The following KCNN4 variants were observed in gnomAD, a reference collection of about 807,000 sequenced individuals.
KCNN4 encodes intermediate conductance calcium-activated potassium channel protein 4.
In KCNN4, 31 loss-of-function variants were observed where a neutral mutation model predicts 45.2. The observed-to-expected ratio is 0.69, with a 90% CI of 0.52 to 0.92. The LOEUF is 0.92. KCNN4 is among the 40% of genes least tolerant of loss of function. KCNN4 has a pLI of 0.00. For missense variants in KCNN4, 463 were observed against 574.0 expected (o/e 0.81, Z 1.98); for synonymous variants, 231 against 254.6 (o/e 0.91, Z 0.88).
rs1969526607 is a variant in KCNN4 at position 43,767,832 on chromosome 19, TA to T, written c.1120-126del. On this transcript the variant is annotated intron_variant, in intron 7 of 8. Coordinates refer to ENST00000648319, the MANE Select transcript of KCNN4 (RefSeq NM_002250.3). ...GTCCTCTGAGGATTACCCTCGACAA[TA>T]ACTGTTACCATGTATTGACCACCTA... 3 of 1,211,452 alleles carry T rather than the reference TA, an allele frequency of 2.5e-6. 1 individual carries two copies. The South Asian group carries it at 4.1e-5, about 17-fold the overall frequency. The allele number at this position is 1,211,452 out of a possible 1,614,324, so 75.0% of individuals were successfully genotyped here.
Position 43,772,201 on chromosome 19 carries a change from T to C in KCNN4, c.684-66A>G. On this transcript the variant is annotated intron_variant, in intron 3 of 8. Coordinates refer to ENST00000648319, the MANE Select transcript of KCNN4 (RefSeq NM_002250.3). This position sits in a 1 kb window ranked among gnomAD's most constrained non-coding sequence, Gnocchi z 4.4. Reference sequence around the variant, plus strand: ...AGGTTTCCATGATATTCACTCCCCTTCCCTCTATACCCTCCCATCCCCTTC... The same window carrying C: ...AGGTTTCCATGATATTCACTCCCCTCCCCTCTATACCCTCCCATCCCCTTC... 3 of 1,576,052 alleles carry C rather than the reference T, an allele frequency of 1.9e-6. No individual in the cohort carries two copies. The highest frequency in any genetic ancestry group is 2.6e-6 in the Non-Finnish European group (3 of 1,155,984).
intron 1 of KCNN4, among the ~76,000 whole-genome samples, chr19:43,780,349 C>T (rs1219286307): frequency 8.6e-5 from 13 of 151,036 alleles, no homozygotes; most frequent in African/African-American, 2.7e-4. Flanking sequence ...GTCTAGGCCC[C>T]CAACCTCTCC....
chr19:43,776,874 G>A, intron 1 of KCNN4: 3 of 454,134 alleles, frequency 6.6e-6, no homozygotes, highest in Non-Finnish European at 1.2e-5. Flanking sequence ...GAGGCAGGTG[G>A]ATCACCGAAG....
Position 43,774,316 on chromosome 19 carries a change from G to C in KCNN4, c.559C>G (p.Gln187Glu), listed in dbSNP as rs763819161. ...ACGAACCAGTGGCGGAAGCGGACTTGATTGAGAGCGCCGATGCTGCGGTAG... is the reference window on the plus strand; with the variant it reads ...ACGAACCAGTGGCGGAAGCGGACTTCATTGAGAGCGCCGATGCTGCGGTAG... Reference protein sequence around the residue: ...ASYRSIGALNQVRFRHWFVAK... With the variant: ...ASYRSIGALNEVRFRHWFVAK... Residue 187 changes from glutamine (Q) to glutamate (E), a missense_variant, in exon 3 of 9, where the codon CAA becomes GAA. Physicochemically the swap from Gln to Glu is conservative, Grantham distance 29. Transcript: ENST00000648319. The surrounding 1 kb of genome is among the most constrained non-coding windows in gnomAD (Gnocchi z 5.6). 2.5e-6 allele frequency: 4 copies of C among 1,611,796 alleles called. No homozygotes were observed. Among genetic ancestry groups the C allele is most frequent in the African/African-American group, 2.7e-5 (2 of 74,898 alleles).
At chr19:43,776,325 G>A (rs992008912) in intron 2 of KCNN4, among the ~76,000 whole-genome samples, 2 of 151,730 alleles carry the variant, frequency 1.3e-5, no homozygotes, top group Admixed American at 1.3e-4. Flanking sequence ...TGCAAGGGGG[G>A]GCTGGGGACT....
chr19:43,770,274 C>T (rs903968712), intron 4 of KCNN4, among the ~76,000 whole-genome samples: 13 of 152,126 alleles, frequency 8.5e-5, no homozygotes, highest in Admixed American at 7.9e-4. Context: ...CCCTTGGTCC[C>T]CTCTAATCTC....
At position 43,774,541 on chromosome 19, in the gene KCNN4, G is replaced by T; in HGVS notation, c.334C>A (p.Leu112Met). 6.3e-7 allele frequency: 1 copy of T among 1,586,070 alleles called. No homozygotes were observed. The highest frequency in any genetic ancestry group is 8.5e-7 in the Non-Finnish European group (1 of 1,171,990). The change falls in exon 3 of 9, where the codon CTG becomes ATG. Residue 112 changes from leucine (L) to methionine (M), a missense_variant. Physicochemically the swap from Leu to Met is conservative, Grantham distance 15. This residue lies in a region of KCNN4 where 225 missense variants were observed against 240.9 expected (regional missense o/e 0.93). Coordinates refer to ENST00000648319, the MANE Select transcript of KCNN4 (RefSeq NM_002250.3). This position sits in a 1 kb window ranked among gnomAD's most constrained non-coding sequence, Gnocchi z 5.6. ...GRQAAQIVLE[L>M]VVCGLHPAPV... ...GCCGGGTGCAGCCCACACACCACCA[G>T]CTCCAGCACGATCTGCGCCGCCTGC...
Position 43,769,863 on chromosome 19 carries a change from G to C in KCNN4, c.820-34C>G, listed in dbSNP as rs1472831805. On this transcript the variant is annotated intron_variant, in intron 4 of 8. Transcript: ENST00000648319. The surrounding 1 kb of genome is among the most constrained non-coding windows in gnomAD (Gnocchi z 4.4). ...ACAGCAGGCACCGTGGCATGAGGCT[G>C]TGCCACCGACTCCCTCCTTGAACCC... The C allele has an allele frequency of 5.3e-6, 8 of 1,498,326 alleles. No individual in the cohort carries two copies. Among genetic ancestry groups the C allele is most frequent in the Non-Finnish European group, 7.4e-6 (8 of 1,087,968 alleles). The allele number at this position is 1,498,326 out of a possible 1,614,324, so 92.8% of individuals were successfully genotyped here.
At chr19:43,770,600 G>T (rs1969617127) in intron 4 of KCNN4, among the ~76,000 whole-genome samples, 1 of 152,166 alleles carries the variant, frequency 6.6e-6, no homozygotes, top group South Asian at 2.1e-4. Flanking sequence ...GGCTCCAGGG[G>T]ACTGCCTGGG....
At chr19:43,775,003 G>A (rs917835895) in intron 2 of KCNN4, among the ~76,000 whole-genome samples, 8 of 152,132 alleles carry the variant, frequency 5.3e-5, no homozygotes, top group African/African-American at 1.9e-4. Context: ...GTTGACACGC[G>A]TAATAACTGT....
intron 2 of KCNN4, among the ~76,000 whole-genome samples, chr19:43,776,218 G>T (rs1969799017): frequency 6.6e-6 from 1 of 150,756 alleles, no homozygotes; most frequent in African/African-American, 2.4e-5. Flanking sequence ...CCATGTCGGA[G>T]CACAGAGATC....
At chr19:43,776,295 A>G in intron 2 of KCNN4, among the ~76,000 whole-genome samples, 1 of 149,726 alleles carries the variant, frequency 6.7e-6, no homozygotes, top group Non-Finnish European at 1.5e-5. Context: ...CTGCAAGGGC[A>G]CTCTCAGCAT....
chr19:43,779,670 G>T (rs1395704140), intron 1 of KCNN4, among the ~76,000 whole-genome samples: 5 of 151,972 alleles, frequency 3.3e-5, no homozygotes, highest in Admixed American at 1.3e-4. Context: ...AATGTGACGG[G>T]AGCCTGCTGA....
intron 1 of KCNN4, among the ~76,000 whole-genome samples, chr19:43,777,445 A>G (rs1323404095): frequency 1.3e-5 from 2 of 151,888 alleles, no homozygotes; most frequent in East Asian, 1.9e-4. Context: ...CCAACCCCAG[A>G]TCTGGAAGAA....
rs1969670922 is a variant in KCNN4 at position 43,772,493 on chromosome 19, G to A, written c.684-358C>T. Among the ~76,000 whole-genome samples, 1 of 152,168 alleles carries A rather than the reference G, an allele frequency of 6.6e-6. No individual in the cohort carries two copies. The highest frequency in any genetic ancestry group is 2.4e-5 in the African/African-American group (1 of 41,426). On this transcript the variant is annotated intron_variant, in intron 3 of 8. Coordinates refer to ENST00000648319, the MANE Select transcript of KCNN4 (RefSeq NM_002250.3). The surrounding 1 kb of genome is among the most constrained non-coding windows in gnomAD (Gnocchi z 4.4). Reference sequence around the variant, plus strand: ...AGAGTCGATAGGGGGCCAAAACCCAGTCAGACCCTGACTGGTGGCTACATC... The same window carrying A: ...AGAGTCGATAGGGGGCCAAAACCCAATCAGACCCTGACTGGTGGCTACATC...
chr19:43,768,214 C>T (rs998331503), intron 7 of KCNN4, among the ~76,000 whole-genome samples: 1 of 152,244 alleles, frequency 6.6e-6, no homozygotes, highest in Non-Finnish European at 1.5e-5. Context: ...TCCTGCAGAT[C>T]TGGGCCACTG....
chr19:43,780,963 C>G lies in KCNN4; in HGVS notation c.-102G>C. 10 of 1,191,416 alleles carry G rather than the reference C, an allele frequency of 8.4e-6. No homozygotes were observed. Among genetic ancestry groups the G allele is most frequent in the Non-Finnish European group, 1.2e-5 (10 of 830,480 alleles). The allele number at this position is 1,191,416 out of a possible 1,614,324, so 73.8% of individuals were successfully genotyped here. ...GTGGCTTGCAGGTCGTCAGCCTGCT[C>G]TGCTGGCTCTGGGACTTTTGCTCTG... is the stretch of plus-strand genomic sequence containing the variant. On this transcript the variant is annotated 5_prime_UTR_variant, in exon 1 of 9. Coordinates refer to ENST00000648319, the MANE Select transcript of KCNN4 (RefSeq NM_002250.3).
rs571755196 is a variant in KCNN4 at position 43,772,430 on chromosome 19, G to A, written c.684-295C>T. Among the ~76,000 whole-genome samples, 21 of 152,226 alleles carry A rather than the reference G, an allele frequency of 1.4e-4. No individual in the cohort carries two copies. The highest frequency in any genetic ancestry group is 9.7e-4 in the East Asian group (5 of 5,170). On this transcript the variant is annotated intron_variant, in intron 3 of 8. Transcript: ENST00000648319. This position sits in a 1 kb window ranked among gnomAD's most constrained non-coding sequence, Gnocchi z 4.4. Reference sequence around the variant, plus strand: ...CGGTATGGTCTCAGCTAGGCTACCCGGGCTGCTGTAGCATTCAGAGCGTGT... The same window carrying A: ...CGGTATGGTCTCAGCTAGGCTACCCAGGCTGCTGTAGCATTCAGAGCGTGT...
At chr19:43,767,484 G>C in intron 8 of KCNN4, 56 bp downstream of exon 8, 1 of 1,577,838 alleles carries the variant, frequency 6.3e-7, no homozygotes, top group Non-Finnish European at 8.6e-7. Flanking sequence ...ATAGGGTGCT[G>C]GCCACAGGAA....
Sources: gnomAD v4.1 joint callset for allele counts (sites outside exome capture counted in the v4.1 genomes callset) on GRCh38, gnomAD v4.1.1 for gene constraint, gnomAD v4.1.1 regional missense constraint, Gnocchi (gnomAD v3.1) non-coding constraint, MANE v1.5 for transcripts, NCBI Gene and HGNC (gene_info 2026-07-23, HGNC 2026-07-21) for gene names.